SDK1: variants seen among roughly 807,000 people sequenced by gnomAD.
SDK1 encodes the protein protein sidekick-1.
SDK1 carries 157 observed loss-of-function variants against 245.5 expected under a neutral mutation model. The ratio of observed to expected loss-of-function variants is 0.64; its 90% CI spans 0.56 to 0.73. SDK1 has a LOEUF of 0.73. SDK1 is among the 30% of genes least tolerant of loss of function. The pLI is 0.00. For synonymous variants in SDK1, 1,647 were observed against 1,278.5 expected (o/e 1.29, Z -6.15); for missense variants, 3,583 against 3,002.3 (o/e 1.19, Z -4.52).
intron 1 of SDK1, among the ~76,000 whole-genome samples, chr7:3,376,483 C>T (rs1205003391): frequency 2.6e-5 from 4 of 151,894 alleles, no homozygotes; most frequent in Non-Finnish European, 4.4e-5. Context: ...GCTGAGGACA[C>T]GAACAGGCAA....
At chr7:3,424,800 G>C (rs369892618) in intron 1 of SDK1, among the ~76,000 whole-genome samples, 6 of 152,078 alleles carry the variant, frequency 3.9e-5, no homozygotes, top group African/African-American at 1.4e-4. Flanking sequence ...GGGAGACTGA[G>C]GCATGAGGAT....
Position 4,267,838 on chromosome 7 carries a change from C to T in SDK1, c.*2454C>T, listed in dbSNP as rs1448438657. On this transcript the variant is annotated 3_prime_UTR_variant, in exon 45 of 45. Coordinates refer to ENST00000404826, the MANE Select transcript of SDK1 (RefSeq NM_152744.4). ...GGCTACGCCGGCCTCCTGGCTGCTG[C>T]TGGACTGTGCTTAGGACAGCGCCCA... The T allele has an allele frequency of 5.1e-6, 5 of 985,558 alleles. No homozygotes were observed. In the African/African-American group the frequency reaches 7.0e-5, roughly 14 times the overall value. 61.1% of individuals were successfully genotyped at this position (985,558 alleles called of 1,614,324 possible). A position where few individuals can be genotyped will look rare whatever the true frequency, so the allele number is the denominator to read the frequency against.
At position 4,266,380 on chromosome 7, in the gene SDK1, C is replaced by T. The variant is rs1223058920; in HGVS notation, c.*996C>T. On this transcript the variant is annotated 3_prime_UTR_variant, in exon 45 of 45. Coordinates refer to ENST00000404826, the MANE Select transcript of SDK1 (RefSeq NM_152744.4). ...GAAAGATGAAAAGCAACAGTGTCTGCAAATAAAGCAAAACAGCTCTGAGAA... is the reference window on the plus strand; with the variant it reads ...GAAAGATGAAAAGCAACAGTGTCTGTAAATAAAGCAAAACAGCTCTGAGAA... 1.0e-6 allele frequency: 1 copy of T among 985,232 alleles called. No individual in the cohort carries two copies. Among genetic ancestry groups the T allele is most frequent in the Non-Finnish European group, 1.2e-6 (1 of 829,930 alleles). The allele number at this position is 985,232 out of a possible 1,614,324, so 61.0% of individuals were successfully genotyped here. A position where few individuals can be genotyped will look rare whatever the true frequency, so the allele number is the denominator to read the frequency against.
chr7:3,922,282 C>T (rs879399015), intron 5 of SDK1, among the ~76,000 whole-genome samples: 3 of 152,166 alleles, frequency 2.0e-5, no homozygotes, highest in Admixed American at 6.5e-5. Context: ...AGGATTCAGT[C>T]GGGATGTGCT....
At chr7:3,825,732 T>G (rs1468603628) in intron 5 of SDK1, among the ~76,000 whole-genome samples, 1 of 152,192 alleles carries the variant, frequency 6.6e-6, no homozygotes, top group African/African-American at 2.4e-5. Context: ...CCATGAACAG[T>G]CATTTCAGAG....
intron 1 of SDK1, among the ~76,000 whole-genome samples, chr7:3,617,053 T>C (rs1331770609): frequency 6.6e-6 from 1 of 152,224 alleles, no homozygotes; most frequent in Non-Finnish European, 1.5e-5. Context: ...GAGCAAGTTA[T>C]TTAACTTCTC....
intron 28 of SDK1, among the ~76,000 whole-genome samples, chr7:4,143,597 A>C (rs1174043131): frequency 1.3e-5 from 2 of 152,152 alleles, no homozygotes; most frequent in African/African-American, 2.4e-5. Flanking sequence ...TGCACCCCCA[A>C]AGGTGTGTCC....
chr7:3,321,413 C>G (rs572275556), intron 1 of SDK1, among the ~76,000 whole-genome samples: 1 of 152,228 alleles, frequency 6.6e-6, no homozygotes, highest in South Asian at 2.1e-4. Flanking sequence ...ACCTCTGGCT[C>G]TAGAGACTCA....
intron 5 of SDK1, among the ~76,000 whole-genome samples, chr7:3,929,528 T>G (rs1779900402): frequency 6.6e-6 from 1 of 152,222 alleles, no homozygotes; most frequent in African/African-American, 2.4e-5. Context: ...TCCCCAAGAC[T>G]GTGTTTGAAG....
In SDK1 at chr7:3,846,228, A is replaced by G. The variant is rs552410266; in HGVS notation, c.847+24645A>G. Among the ~76,000 whole-genome samples, 16 of 152,322 alleles carry G rather than the reference A, an allele frequency of 1.1e-4. No individual in the cohort carries two copies. In the South Asian group the frequency reaches 3.3e-3, roughly 32 times the overall value. On this transcript the variant is annotated intron_variant, in intron 5 of 44. Coordinates refer to ENST00000404826, the MANE Select transcript of SDK1 (RefSeq NM_152744.4). ...TACACACACACACAGGCAAGGAAAA[A>G]TGTGCTGGCATATCCTTTTGGGTAT...
At chr7:3,875,947 C>T (rs1750194139) in intron 5 of SDK1, among the ~76,000 whole-genome samples, 1 of 152,188 alleles carries the variant, frequency 6.6e-6, no homozygotes, top group African/African-American at 2.4e-5. Context: ...TCTCACTTGC[C>T]TGGCAGTTCT....
chr7:4,266,303 G>A lies in SDK1; in HGVS notation c.*919G>A, dbSNP rs878982216. On this transcript the variant is annotated 3_prime_UTR_variant, in exon 45 of 45. Transcript: ENST00000404826. Reference sequence around the variant, plus strand: ...AAACTATGTCACATGAAATGAATGCGTCTTTGCTGTCTCCAGGTGCCTTTT... The same window carrying A: ...AAACTATGTCACATGAAATGAATGCATCTTTGCTGTCTCCAGGTGCCTTTT... 65 of 985,272 alleles carry A rather than the reference G, an allele frequency of 6.6e-5. No homozygotes were observed. Among genetic ancestry groups the A allele is most frequent in the African/African-American group, 2.3e-4 (13 of 57,232 alleles). The allele number at this position is 985,272 out of a possible 1,614,324, so 61.0% of individuals were successfully genotyped here.
chr7:3,606,191 T>C (rs1184646668), intron 1 of SDK1, among the ~76,000 whole-genome samples: 1 of 152,194 alleles, frequency 6.6e-6, no homozygotes, highest in Admixed American at 6.5e-5. Flanking sequence ...TTCTGGTTTT[T>C]CTGGCCAGAA....
intron 1 of SDK1, among the ~76,000 whole-genome samples, chr7:3,369,182 T>C (rs1418951469): frequency 1.3e-5 from 2 of 152,104 alleles, no homozygotes; most frequent in African/African-American, 4.8e-5. Flanking sequence ...GTAGCTGGGA[T>C]TACAGGTGTG....
At chr7:4,005,918 C>G (rs561386827) in intron 14 of SDK1, among the ~76,000 whole-genome samples, 10 of 151,950 alleles carry the variant, frequency 6.6e-5, no homozygotes, top group African/African-American at 2.4e-4. Context: ...GTGGTCCCAG[C>G]CTGGGGGATG....
At chr7:3,905,075 A>G (rs1778851274) in intron 5 of SDK1, among the ~76,000 whole-genome samples, 1 of 151,978 alleles carries the variant, frequency 6.6e-6, no homozygotes, top group Admixed American at 6.6e-5. Flanking sequence ...TATGAATTAT[A>G]TCTCAATAAA....
intron 17 of SDK1, among the ~76,000 whole-genome samples, chr7:4,038,275 C>G (rs1453870391): frequency 6.6e-6 from 1 of 152,232 alleles, no homozygotes; most frequent in African/African-American, 2.4e-5. Flanking sequence ...CCTGTCCTGG[C>G]CTCCCCACTT....
At chr7:3,778,460 AT>A (rs71029695) in intron 4 of SDK1, among the ~76,000 whole-genome samples, 24,639 of 152,136 alleles carry the variant, frequency 0.16, 2,492 homozygotes, top group Admixed American at 0.21. Context: ...TAAAGTTCGT[AT>A]TTTCTATCTT....
At chr7:4,055,532 T>TTTG (rs367994049) in intron 19 of SDK1, among the ~76,000 whole-genome samples, 64 of 134,034 alleles carry the variant, frequency 4.8e-4, no homozygotes, top group Middle Eastern at 7.2e-3. Flanking sequence ...TTGGTTTGTT[T>TTTG]TTGTTGTTGT....
Sources: allele counts gnomAD v4.1 joint callset (sites outside exome capture counted in the v4.1 genomes callset), GRCh38; gene constraint gnomAD v4.1.1; transcripts MANE v1.5; gene names NCBI Gene and HGNC (gene_info 2026-07-23, HGNC 2026-07-21).